The following EDEM1 variants were observed in gnomAD, a reference collection of about 807,000 sequenced individuals.
EDEM1 encodes ER degradation-enhancing alpha-mannosidase-like protein 1.
A neutral mutation model predicts 74.4 loss-of-function variants in EDEM1; 67 were observed. That is an observed-to-expected ratio of 0.90 (90% CI 0.74 to 1.10). EDEM1 has a LOEUF of 1.10. EDEM1 is among the 50% of genes least tolerant of loss of function. The pLI, the probability that EDEM1 is intolerant of heterozygous loss-of-function variation, is 0.00. For missense variants in EDEM1, 926 were observed against 851.6 expected, an observed-to-expected ratio of 1.09 and a Z score of -1.09; for synonymous variants, 382 against 335.9, an observed-to-expected ratio of 1.14 and a Z score of -1.50.
chr3:5,199,669 C>A lies in EDEM1; in HGVS notation c.660C>A (p.Thr220=). Residue 220 remains threonine (T), a synonymous_variant, in exon 3 of 12, where the codon ACC becomes ACA. Coordinates refer to ENST00000256497, the MANE Select transcript of EDEM1 (RefSeq NM_014674.3). ...INTVSFDKDS[T]VQVFEATIRV... is the part of the protein sequence containing the mutation. ...CAGTTTCATTTGACAAAGATTCCAC[C>A]GTCCAAGTCTTTGAGGCCACGATAA... 1 of 1,613,496 alleles carries A rather than the reference C, an allele frequency of 6.2e-7. No homozygotes were observed. The highest frequency in any genetic ancestry group is 8.5e-7 in the Non-Finnish European group (1 of 1,179,732).
chr3:5,202,861 G>T, intron 4 of EDEM1, 105 bp from the exon 5 acceptor site: 1 of 962,320 alleles, frequency 1.0e-6, no homozygotes, highest in Non-Finnish European at 1.6e-6. Context: ...GACTCTCACC[G>T]TGGTAAGCTT....
Position 5,187,768 on chromosome 3 carries a change from C to G in EDEM1, c.-38C>G. 2.0e-6 allele frequency: 3 copies of G among 1,508,978 alleles called. No individual in the cohort carries two copies. The highest frequency in any genetic ancestry group is 2.7e-6 in the Non-Finnish European group (3 of 1,129,040). The allele number at this position is 1,508,978 out of a possible 1,614,324, so 93.5% of individuals were successfully genotyped here. A position where few individuals can be genotyped will look rare whatever the true frequency, so the allele number is the denominator to read the frequency against. ...GGTGCGGTGGTCGGCGGGGAGGCCC[C>G]CGCGCTTTAAAATAATGCCCGCGGC... On this transcript the variant is annotated 5_prime_UTR_variant, in exon 1 of 12. Coordinates refer to ENST00000256497, the MANE Select transcript of EDEM1 (RefSeq NM_014674.3).
chr3:5,190,804 C>A (rs343417), intron 1 of EDEM1, among the ~76,000 whole-genome samples: 2 of 152,042 alleles, frequency 1.3e-5, no homozygotes, highest in Non-Finnish European at 2.9e-5. Flanking sequence ...CACTTACAAA[C>A]AGTGGAAAAC....
intron 4 of EDEM1, among the ~76,000 whole-genome samples, chr3:5,202,634 CTA>C (rs531814003): frequency 2.0e-5 from 3 of 152,108 alleles, no homozygotes; most frequent in Non-Finnish European, 4.4e-5. Context: ...AGAAGAAATT[CTA>C]TAGTTTGCCT....
At chr3:5,202,890 A>T in intron 4 of EDEM1, 76 bp from the exon 5 acceptor site, 1 of 1,351,690 alleles carries the variant, frequency 7.4e-7, no homozygotes, top group Non-Finnish European at 1.0e-6. Flanking sequence ...AGCTGAGTGT[A>T]GTCTCTGAGA....
At chr3:5,205,015 G>T in intron 5 of EDEM1, 52 bp from the exon 6 acceptor site, 2 of 1,592,872 alleles carry the variant, frequency 1.3e-6, no homozygotes, top group Non-Finnish European at 1.7e-6. Context: ...CTCCATTCAT[G>T]TCCTCCCCGA....
At chr3:5,211,525 C>A (rs1336570125) in intron 10 of EDEM1, 1 of 303,036 alleles carries the variant, frequency 3.3e-6, no homozygotes, top group African/African-American at 2.1e-5. Context: ...TCGGGGAAGA[C>A]GCCTCTGAGG....
rs767854878 is a variant in EDEM1, at chr3:5,203,122, C to T, written c.1015C>T (p.Leu339Phe). The stretch of plus-strand genomic sequence containing the variant: ...ACGAGCAGTGAAAGCCCTTTGGAAC[C>T]TCCGGAGCAATGATACAGGATTACT... ...ARRAVKALWN[L>F]RSNDTGLLGN... Residue 339 changes from leucine (L) to phenylalanine (F), a missense_variant, in exon 5 of 12, where the codon CTC (leucine) becomes TTC (phenylalanine). Leu to Phe is a conservative substitution (Grantham distance 22). Transcript: ENST00000256497. 2 of 1,598,478 alleles carry T rather than the reference C, an allele frequency of 1.3e-6. No individual in the cohort carries two copies. Among genetic ancestry groups the T allele is most frequent in the Admixed American group, 1.7e-5 (1 of 57,700 alleles).
intron 11 of EDEM1, among the ~76,000 whole-genome samples, chr3:5,213,750 G>T (rs571086586): frequency 6.6e-6 from 1 of 152,284 alleles, no homozygotes; most frequent in Non-Finnish European, 1.5e-5. Context: ...GGGGAGAGTG[G>T]CTACAGGATC....
At chr3:5,210,804 G>T (rs1234235901) in intron 9 of EDEM1, among the ~76,000 whole-genome samples, 3 of 151,582 alleles carry the variant, frequency 2.0e-5, no homozygotes, top group Non-Finnish European at 4.4e-5. Flanking sequence ...CAAGTATTAG[G>T]ACTAGAAATT....
At position 5,211,106 on chromosome 3, in the gene EDEM1, T is replaced by C. The variant is rs371484203; in HGVS notation, c.1584-14T>C. The C allele has an allele frequency of 1.3e-5, 21 of 1,613,564 alleles. No individual in the cohort carries two copies. In the Middle Eastern group the frequency reaches 1.2e-3, roughly 92 times the overall value. On this transcript the variant is annotated splice_polypyrimidine_tract_variant and intron_variant, in intron 9 of 11. Transcript: ENST00000256497. The stretch of plus-strand genomic sequence containing the variant: ...AGGAAGAGAGGCAGGACTGACCAGA[T>C]GATTGTTTTGTAGGTGTGGGTACGC...
chr3:5,212,356 T>C (rs1471014179), intron 10 of EDEM1, among the ~76,000 whole-genome samples: 1 of 152,228 alleles, frequency 6.6e-6, no homozygotes, highest in African/African-American at 2.4e-5. Flanking sequence ...GTGCAGTGGT[T>C]CTTGCTCTCC....
intron 10 of EDEM1, among the ~76,000 whole-genome samples, chr3:5,211,653 A>AGT (rs34661098): frequency 0.048 from 7,111 of 146,846 alleles, 230 homozygotes; most frequent in South Asian, 0.1. Context: ...TGAGTGAGTG[A>AGT]GTGTGTGTGT....
In EDEM1 at chr3:5,217,752, A is replaced by G. The variant is rs1575594936; in HGVS notation, c.*1834A>G. ...ATAGAAAACTTTGAGAATAATATAT[A>G]TATATATTTTAAATGTTTTCACTGA... is the stretch of plus-strand genomic sequence containing the variant. On this transcript the variant is annotated 3_prime_UTR_variant, in exon 12 of 12. Coordinates refer to ENST00000256497, the MANE Select transcript of EDEM1 (RefSeq NM_014674.3). The G allele has an allele frequency of 6.6e-6, 1 of 152,118 alleles. No homozygotes were observed. The highest frequency in any genetic ancestry group is 2.4e-5 in the African/African-American group (1 of 41,428). 9.4% of individuals were successfully genotyped at this position (152,118 alleles called of 1,614,324 possible). A position where few individuals can be genotyped will look rare whatever the true frequency, so the allele number is the denominator to read the frequency against.
intron 6 of EDEM1, among the ~76,000 whole-genome samples, chr3:5,206,143 A>G (rs1212045347): frequency 1.3e-5 from 2 of 151,796 alleles, no homozygotes; most frequent in Admixed American, 6.6e-5. Flanking sequence ...CCAGGATGAC[A>G]GGAGAGAGAG....
chr3:5,203,426 G>T (rs1209380001), intron 5 of EDEM1, among the ~76,000 whole-genome samples: 1 of 152,176 alleles, frequency 6.6e-6, no homozygotes, highest in Non-Finnish European at 1.5e-5. Context: ...GCCGTAAAAA[G>T]AACTGCCTCT....
At chr3:5,208,837 A>G (rs2055132297) in intron 8 of EDEM1, among the ~76,000 whole-genome samples, 1 of 151,814 alleles carries the variant, frequency 6.6e-6, no homozygotes, top group Admixed American at 6.6e-5. Flanking sequence ...TCAGTGGTAG[A>G]GGGAATGTGA....
chr3:5,206,269 A>G (rs1305792593), intron 6 of EDEM1, among the ~76,000 whole-genome samples: 1 of 149,092 alleles, frequency 6.7e-6, no homozygotes, highest in Non-Finnish European at 1.5e-5. Flanking sequence ...GTACAGTGGT[A>G]CGATCTTGGC....
At position 5,213,343 on chromosome 3, in the gene EDEM1, C is replaced by T; in HGVS notation, c.1705C>T (p.His569Tyr). ...YLLFDEDNPV[H>Y]KSGTRYMFTT... Reference sequence around the variant, plus strand: ...GCTGTTTGATGAAGACAATCCAGTACACAAGTCTGGAACCAGATACATGTT... The same window carrying T: ...GCTGTTTGATGAAGACAATCCAGTATACAAGTCTGGAACCAGATACATGTT... The change falls in exon 11 of 12, where the codon CAC (histidine) becomes TAC (tyrosine). Residue 569 changes from histidine (H) to tyrosine (Y), a missense_variant. By Grantham distance (83) the His-to-Tyr change is moderately conservative. Coordinates refer to ENST00000256497, the MANE Select transcript of EDEM1 (RefSeq NM_014674.3). 1 of 1,613,812 alleles carries T rather than the reference C, an allele frequency of 6.2e-7. No homozygotes were observed. The highest frequency in any genetic ancestry group is 2.2e-5 in the East Asian group (1 of 44,884).
Sources: allele counts gnomAD v4.1 joint callset (sites outside exome capture counted in the v4.1 genomes callset), GRCh38; gene constraint gnomAD v4.1.1; transcripts MANE v1.5; gene names NCBI Gene and HGNC (gene_info 2026-07-23, HGNC 2026-07-21).